FHIT: variants seen among roughly 807,000 people sequenced by gnomAD.
FHIT encodes the protein bis(5'-adenosyl)-triphosphatase.
Under a neutral mutation model 17.9 loss-of-function variants are expected in FHIT, and 19 were observed. That is an observed-to-expected ratio of 1.06 (90% CI 0.74 to 1.56). FHIT has a LOEUF of 1.56. Among genes scored for constraint, FHIT ranks in the 40% most tolerant of loss-of-function variants. FHIT has a pLI of 0.00. For synonymous variants in FHIT, 81 were observed against 69.7 expected (o/e 1.16, Z -0.81); for missense variants, 248 against 189.2 (o/e 1.31, Z -1.82).
intron 5 of FHIT, among the ~76,000 whole-genome samples, chr3:60,483,806 T>C (rs181209666): frequency 3.4e-4 from 52 of 152,186 alleles, no homozygotes; most frequent in Admixed American, 5.2e-4. Flanking sequence ...CTATTCAACA[T>C]AGTATTGAAA....
chr3:59,821,046 G>GA (rs1488032754), intron 8 of FHIT, among the ~76,000 whole-genome samples: 1 of 152,150 alleles, frequency 6.6e-6, no homozygotes, highest in Non-Finnish European at 1.5e-5. Context: ...AGGTGTCCAG[G>GA]AAGCAGTTGG....
At chr3:60,284,210 C>T (rs180789191) in intron 5 of FHIT, among the ~76,000 whole-genome samples, 62 of 152,204 alleles carry the variant, frequency 4.1e-4, no homozygotes, top group African/African-American at 1.4e-3. Context: ...GAATGAAACA[C>T]TTATTTCTCG....
intron 8 of FHIT, among the ~76,000 whole-genome samples, chr3:59,759,911 A>G (rs1192691949): frequency 6.6e-6 from 1 of 152,120 alleles, no homozygotes; most frequent in Non-Finnish European, 1.5e-5. Context: ...TTCTTTGAAT[A>G]TTACTTAGTA....
rs1259007592 is a variant in FHIT, at chr3:60,308,400, G to T, written c.103+228460C>A. Among the ~76,000 whole-genome samples the T allele has an allele frequency of 3.3e-5, 5 of 151,756 alleles. No individual in the cohort carries two copies. The South Asian group carries it at 6.3e-4, about 19-fold the overall frequency. ...CAACTCTCAGGAGAGGGAATAATTA[G>T]TATGGGCTGTTACAGACCAGGAGGA... On this transcript the variant is annotated intron_variant, in intron 5 of 9. Coordinates refer to ENST00000492590, the MANE Select transcript of FHIT (RefSeq NM_002012.4).
At chr3:60,944,220 T>G (rs1385443251) in intron 3 of FHIT, among the ~76,000 whole-genome samples, 5 of 152,176 alleles carry the variant, frequency 3.3e-5, no homozygotes, top group African/African-American at 1.2e-4. Flanking sequence ...CTCCAAACAT[T>G]CTATGAGAAT....
chr3:61,180,055 G>A (rs1275139019), intron 2 of FHIT, among the ~76,000 whole-genome samples: 1 of 152,164 alleles, frequency 6.6e-6, no homozygotes, highest in Non-Finnish European at 1.5e-5. Context: ...GAAAGAGGGT[G>A]GGCACTCTGA....
At chr3:60,518,690 A>T (rs2035248130) in intron 5 of FHIT, among the ~76,000 whole-genome samples, 1 of 152,222 alleles carries the variant, frequency 6.6e-6, no homozygotes, top group Non-Finnish European at 1.5e-5. Context: ...CATATGGCAC[A>T]ATATTATACC....
intron 5 of FHIT, among the ~76,000 whole-genome samples, chr3:60,231,069 A>G (rs974923770): frequency 6.6e-5 from 10 of 152,294 alleles, no homozygotes; most frequent in African/African-American, 2.2e-4. Flanking sequence ...CTCGGAAATA[A>G]AATAATCTTA....
At chr3:60,840,387 G>A (rs1702681885) in intron 3 of FHIT, among the ~76,000 whole-genome samples, 1 of 152,152 alleles carries the variant, frequency 6.6e-6, no homozygotes, top group Non-Finnish European at 1.5e-5. Context: ...ATGAACTACA[G>A]TCCGCATGTT....
At chr3:60,233,694 C>T (rs1017853712) in intron 5 of FHIT, among the ~76,000 whole-genome samples, 6 of 152,156 alleles carry the variant, frequency 3.9e-5, no homozygotes, top group African/African-American at 1.4e-4. Context: ...TGAATTGTAG[C>T]TCCCATAATT....
chr3:61,146,528 T>C (rs1482011332), intron 2 of FHIT, among the ~76,000 whole-genome samples: 2 of 152,086 alleles, frequency 1.3e-5, no homozygotes, highest in Admixed American at 6.5e-5. Context: ...AAAGCAGTTT[T>C]ATGCATACGT....
chr3:60,757,765 T>C (rs1699495689), intron 4 of FHIT, among the ~76,000 whole-genome samples: 7 of 152,344 alleles, frequency 4.6e-5, no homozygotes, highest in Admixed American at 3.9e-4. Flanking sequence ...AGCTGTTGAA[T>C]GATTCAGTCT....
In FHIT at chr3:60,294,355, C is replaced by G. The variant is rs908711563; in HGVS notation, c.103+242505G>C. On this transcript the variant is annotated intron_variant, in intron 5 of 9. Transcript: ENST00000492590. ...CAAAATCTACAGCTGGAAGGGACCTCAGAGATGAATCATTTGAAAGCCCTC... is the reference window on the plus strand; with the variant it reads ...CAAAATCTACAGCTGGAAGGGACCTGAGAGATGAATCATTTGAAAGCCCTC... 3.3e-5 allele frequency among the ~76,000 whole-genome samples: 5 copies of G among 152,132 alleles called. No individual in the cohort carries two copies. In the South Asian group the frequency reaches 6.2e-4, roughly 19 times the overall value.
chr3:60,834,416 G>A (rs868929600), intron 3 of FHIT, among the ~76,000 whole-genome samples: 7 of 152,112 alleles, frequency 4.6e-5, no homozygotes, highest in Non-Finnish European at 8.8e-5. Context: ...TCAGTAAAAT[G>A]TCTGGCCATG....
chr3:60,334,816 C>A (rs543873794), intron 5 of FHIT, among the ~76,000 whole-genome samples: 5 of 152,172 alleles, frequency 3.3e-5, no homozygotes, highest in African/African-American at 1.2e-4. Flanking sequence ...AACCAACAAA[C>A]AAAAAAACTA....
intron 5 of FHIT, among the ~76,000 whole-genome samples, chr3:60,052,460 T>G (rs897152801): frequency 1.1e-4 from 16 of 152,262 alleles, no homozygotes; most frequent in African/African-American, 3.4e-4. Context: ...TGCTCTTTGG[T>G]CAAACTCTGT....
intron 5 of FHIT, among the ~76,000 whole-genome samples, chr3:60,131,221 C>T (rs1424071422): frequency 6.6e-6 from 1 of 151,820 alleles, no homozygotes; most frequent in East Asian, 1.9e-4. Context: ...CCCACCTCCT[C>T]CCATTAACTT....
chr3:59,899,599 C>T (rs1327492371), intron 8 of FHIT, among the ~76,000 whole-genome samples: 6 of 151,790 alleles, frequency 4.0e-5, no homozygotes, highest in Non-Finnish European at 2.9e-5. Flanking sequence ...TTTGGGAGGC[C>T]GAGGCGGACG....
chr3:60,324,009 A>AG (rs1406230540), intron 5 of FHIT, among the ~76,000 whole-genome samples: 1 of 152,078 alleles, frequency 6.6e-6, no homozygotes, highest in Admixed American at 6.5e-5. Flanking sequence ...CCCTGCTTTG[A>AG]GGTCTAGAAT....
Sources: allele counts gnomAD v4.1 joint callset (sites outside exome capture counted in the v4.1 genomes callset), GRCh38; gene constraint gnomAD v4.1.1; transcripts MANE v1.5; gene names NCBI Gene and HGNC (gene_info 2026-07-23, HGNC 2026-07-21).